Variants in ADAMTSL1 observed in about 807,000 individuals in gnomAD.
ADAMTSL1 encodes ADAMTS like 1, also known as ADAMTS-like protein 1.
Under a neutral mutation model 201.8 loss-of-function variants are expected in ADAMTSL1, and 126 were observed. The ratio of observed to expected loss-of-function variants is 0.62; its 90% CI spans 0.54 to 0.72. ADAMTSL1 has a LOEUF of 0.72. ADAMTSL1 is among the 30% of genes least tolerant of loss of function. The pLI, the probability that ADAMTSL1 is intolerant of heterozygous loss-of-function variation, is 0.00. For synonymous variants in ADAMTSL1, 1,121 were observed against 903.4 expected, an observed-to-expected ratio of 1.24 and a Z score of -4.32; for missense variants, 2,679 against 2,277.8, an observed-to-expected ratio of 1.18 and a Z score of -3.59.
intron 1 of ADAMTSL1, among the ~76,000 whole-genome samples, chr9:17,928,936 A>C (rs1431172492): frequency 6.6e-6 from 1 of 152,110 alleles, no homozygotes; most frequent in East Asian, 1.9e-4. Flanking sequence ...AACTCTGCTT[A>C]CCACTGCCTG....
At chr9:18,335,036 A>G (rs973539217) in intron 2 of ADAMTSL1, among the ~76,000 whole-genome samples, 1 of 152,142 alleles carries the variant, frequency 6.6e-6, no homozygotes, top group Non-Finnish European at 1.5e-5. Flanking sequence ...CTGATAATTT[A>G]GATCCCTTAA....
intron 1 of ADAMTSL1, among the ~76,000 whole-genome samples, chr9:18,048,175 A>T (rs1367395888): frequency 6.6e-6 from 1 of 152,132 alleles, no homozygotes; most frequent in Non-Finnish European, 1.5e-5. Flanking sequence ...CTAGGTTATT[A>T]TGGGCTTATC....
At chr9:18,907,118 C>A in intron 28 of ADAMTSL1, 1 of 588,786 alleles carries the variant, frequency 1.7e-6, no homozygotes, top group South Asian at 2.1e-5. Flanking sequence ...GCCCCAAGGG[C>A]TTCCATGATC....
chr9:18,036,830 C>G (rs913708619), intron 1 of ADAMTSL1, among the ~76,000 whole-genome samples: 3 of 152,178 alleles, frequency 2.0e-5, no homozygotes, highest in African/African-American at 7.2e-5. Context: ...TCTTAATACT[C>G]TCCCTTTCAT....
intron 15 of ADAMTSL1, among the ~76,000 whole-genome samples, chr9:18,734,058 A>G (rs144679411): frequency 1.8e-3 from 276 of 152,262 alleles, no homozygotes; most frequent in African/African-American, 6.3e-3. Flanking sequence ...GTTAAAATCC[A>G]ATTCATATAG....
At chr9:18,018,619 C>T (rs1237794884) in intron 1 of ADAMTSL1, among the ~76,000 whole-genome samples, 2 of 152,004 alleles carry the variant, frequency 1.3e-5, no homozygotes, top group Admixed American at 1.3e-4. Context: ...GGATTGAATC[C>T]TACTGATAAA....
intron 6 of ADAMTSL1, among the ~76,000 whole-genome samples, chr9:18,637,287 C>T (rs1587761286): frequency 6.6e-6 from 1 of 151,990 alleles, no homozygotes. Context: ...TTCATTTTTC[C>T]CCATTTGAGA....
chr9:18,660,697 C>T (rs12342475), intron 8 of ADAMTSL1, among the ~76,000 whole-genome samples: 13,408 of 152,146 alleles, frequency 0.088, 630 homozygotes, highest in South Asian at 0.11. Context: ...CTTAAAATGT[C>T]ATTTTGCTAC....
At position 18,707,033 on chromosome 9, in the gene ADAMTSL1, G is replaced by A. The variant is rs778427338; in HGVS notation, c.1861G>A (p.Glu621Lys). 1.2e-5 allele frequency: 20 copies of A among 1,613,196 alleles called. No individual in the cohort carries two copies. The highest frequency in any genetic ancestry group is 5.5e-5 in the South Asian group (5 of 91,040). ...WEYEGFTKCS[E>K]SCGGGVQEAV... ...GTATGAGGGGTTCACCAAGTGCTCCGAGTCCTGTGGAGGAGGTAAGAAAGG... is the reference window on the plus strand; with the variant it reads ...GTATGAGGGGTTCACCAAGTGCTCCAAGTCCTGTGGAGGAGGTAAGAAAGG... Residue 621 changes from glutamate to lysine, a missense_variant, in exon 14 of 29, where the codon GAG (glutamate) becomes AAG (lysine). Glu to Lys is a moderately conservative substitution (Grantham distance 56). Coordinates refer to ENST00000380548, the MANE Select transcript of ADAMTSL1 (RefSeq NM_001040272.6).
chr9:18,487,325 G>A (rs956311448), intron 1 of ADAMTSL1, among the ~76,000 whole-genome samples: 10 of 152,192 alleles, frequency 6.6e-5, no homozygotes, highest in Non-Finnish European at 7.3e-5. Context: ...CACTGTGCAT[G>A]TAGCTCTTTA....
intron 23 of ADAMTSL1, among the ~76,000 whole-genome samples, chr9:18,882,676 C>G (rs1828606346): frequency 6.6e-6 from 1 of 152,086 alleles, no homozygotes; most frequent in Non-Finnish European, 1.5e-5. Context: ...TGTGGTGAGA[C>G]TGCTTCTCCT....
chr9:18,906,652 C>A (rs752698046), intron 27 of ADAMTSL1, 40 bp from the exon 28 acceptor site: 3 of 1,484,242 alleles, frequency 2.0e-6, no homozygotes, highest in African/African-American at 2.8e-5. Context: ...ATTCAGCCCC[C>A]ACAGAAGCAA....
intron 7 of ADAMTSL1, among the ~76,000 whole-genome samples, chr9:18,655,080 C>G (rs1828544886): frequency 1.3e-5 from 2 of 152,240 alleles, no homozygotes; most frequent in Non-Finnish European, 2.9e-5. Context: ...GAGAAAGAAA[C>G]TTAGGGAAAA....
chr9:18,431,086 C>G (rs997520618), intron 2 of ADAMTSL1, among the ~76,000 whole-genome samples: 7 of 152,186 alleles, frequency 4.6e-5, no homozygotes, highest in Non-Finnish European at 8.8e-5. Context: ...ATGCCCTCTA[C>G]TAGGTGTACA....
At chr9:18,711,679 C>T (rs1370842811) in intron 14 of ADAMTSL1, among the ~76,000 whole-genome samples, 33 of 152,032 alleles carry the variant, frequency 2.2e-4, no homozygotes, top group Non-Finnish European at 3.1e-4. Flanking sequence ...GAGGGGCGCC[C>T]GCCATTGCCC....
intron 2 of ADAMTSL1, among the ~76,000 whole-genome samples, chr9:18,350,326 A>T (rs144728712): frequency 6.6e-6 from 1 of 152,080 alleles, no homozygotes; most frequent in Non-Finnish European, 1.5e-5. Context: ...TGCTGCTGCT[A>T]AGGGCAGGGG....
intron 1 of ADAMTSL1, among the ~76,000 whole-genome samples, chr9:17,967,899 G>A (rs1778169): frequency 0.59 from 90,041 of 151,904 alleles, 27,278 homozygotes; most frequent in East Asian, 0.92. Flanking sequence ...AAGTCTATTC[G>A]GACTTTGTAT....
chr9:18,403,753 A>C (rs1818075318), intron 2 of ADAMTSL1, among the ~76,000 whole-genome samples: 1 of 152,126 alleles, frequency 6.6e-6, no homozygotes, highest in Non-Finnish European at 1.5e-5. Flanking sequence ...TGCTCCTCTG[A>C]CTGGCATGAT....
chr9:18,406,391 T>C (rs1389775306), intron 2 of ADAMTSL1, among the ~76,000 whole-genome samples: 3 of 151,308 alleles, frequency 2.0e-5, no homozygotes, highest in South Asian at 2.1e-4. Flanking sequence ...TGCGGTGGCA[T>C]GATCTCGGCT....
Sources: allele counts gnomAD v4.1 joint callset (sites outside exome capture counted in the v4.1 genomes callset), GRCh38; gene constraint gnomAD v4.1.1; transcripts MANE v1.5; gene names NCBI Gene and HGNC (gene_info 2026-07-23, HGNC 2026-07-21).